RNF220: variants seen among roughly 807,000 people sequenced by gnomAD.
RNF220 encodes E3 ubiquitin-protein ligase RNF220.
RNF220 carries 7 observed loss-of-function variants against 67.1 expected under a neutral mutation model. That is an observed-to-expected ratio of 0.10 (90% CI 0.06 to 0.20). The LOEUF is 0.20. RNF220 is among the 10% of genes least tolerant of loss of function. RNF220 has a pLI of 1.00. For missense variants in RNF220, 565 were observed against 740.3 expected (o/e 0.76, Z 2.75); for synonymous variants, 270 against 283.2 (o/e 0.95, Z 0.47).
At chr1:44,513,460 G>A (rs1659196952) in intron 2 of RNF220, among the ~76,000 whole-genome samples, 1 of 150,140 alleles carries the variant, frequency 6.7e-6, no homozygotes, top group Non-Finnish European at 1.5e-5. Flanking sequence ...GTTGACAGGG[G>A]CCAAATAAAG....
At chr1:44,449,775 A>G (rs930391117) in intron 2 of RNF220, among the ~76,000 whole-genome samples, 2 of 152,312 alleles carry the variant, frequency 1.3e-5, no homozygotes, top group Admixed American at 6.5e-5. Flanking sequence ...TGTGACATCT[A>G]CCGAATACCT....
intron 2 of RNF220, among the ~76,000 whole-genome samples, chr1:44,451,137 C>T (rs544700297): frequency 6.0e-5 from 9 of 150,448 alleles, no homozygotes; most frequent in East Asian, 2.0e-4. Context: ...GAGCCAAGAT[C>T]GGGCCACTGC....
At chr1:44,406,545 G>A (rs1647349286) in intron 1 of RNF220, among the ~76,000 whole-genome samples, 1 of 152,236 alleles carries the variant, frequency 6.6e-6, no homozygotes, top group African/African-American at 2.4e-5. Flanking sequence ...TCTGACTTAA[G>A]AACAAAACTT....
At chr1:44,567,698 C>T (rs1417313194) in intron 2 of RNF220, among the ~76,000 whole-genome samples, 2 of 152,108 alleles carry the variant, frequency 1.3e-5, no homozygotes, top group East Asian at 1.9e-4. Context: ...CAGCATAAGT[C>T]GTTGTTCTCT....
At chr1:44,443,441 A>C (rs1651766301) in intron 2 of RNF220, among the ~76,000 whole-genome samples, 1 of 152,166 alleles carries the variant, frequency 6.6e-6, no homozygotes, top group South Asian at 2.1e-4. Flanking sequence ...ATGCTCTGGC[A>C]TTAGCATCTG....
intron 2 of RNF220, among the ~76,000 whole-genome samples, chr1:44,572,834 T>C (rs1664539098): frequency 1.3e-5 from 2 of 152,308 alleles, no homozygotes; most frequent in South Asian, 4.1e-4. Flanking sequence ...GAGAAATGTT[T>C]GGCCCTATAA....
chr1:44,520,515 A>G (rs549438946), intron 2 of RNF220, among the ~76,000 whole-genome samples: 1 of 152,282 alleles, frequency 6.6e-6, no homozygotes, highest in African/African-American at 2.4e-5. Context: ...TTCATGGGCA[A>G]CTTAACTCCC....
At chr1:44,500,243 G>T (rs892316177) in intron 2 of RNF220, among the ~76,000 whole-genome samples, 3 of 152,180 alleles carry the variant, frequency 2.0e-5, no homozygotes, top group African/African-American at 7.2e-5. Flanking sequence ...CGCTGCCCTT[G>T]GGTCTCCACC....
At chr1:44,519,043 AT>A (rs1285782446) in intron 2 of RNF220, among the ~76,000 whole-genome samples, 1 of 149,886 alleles carries the variant, frequency 6.7e-6, no homozygotes, top group East Asian at 2.0e-4. Flanking sequence ...CAGGTTTCTA[AT>A]TTGAACAGAT....
chr1:44,622,669 T>C lies in RNF220; in HGVS notation c.759-73T>C. ...CTATGCCTTCTCTGTCTTTGGGGTC[T>C]TCTTGCTACTCTACCGTTGCATGCC... On this transcript the variant is annotated intron_variant, in intron 3 of 14. Coordinates refer to ENST00000361799, the MANE Select transcript of RNF220 (RefSeq NM_018150.4). This position sits in a 1 kb window ranked among gnomAD's most constrained non-coding sequence, Gnocchi z 4.3. 1.4e-6 allele frequency: 2 copies of C among 1,389,954 alleles called. No homozygotes were observed. Among genetic ancestry groups the C allele is most frequent in the Non-Finnish European group, 1.0e-6 (1 of 977,596 alleles). The allele number at this position is 1,389,954 out of a possible 1,614,324, so 86.1% of individuals were successfully genotyped here.
At chr1:44,580,345 G>C (rs1665180688) in intron 2 of RNF220, among the ~76,000 whole-genome samples, 1 of 152,138 alleles carries the variant, frequency 6.6e-6, no homozygotes, top group Non-Finnish European at 1.5e-5. Context: ...CTATGGGTCA[G>C]GATATTTGAA....
chr1:44,409,474 C>T (rs998157250), intron 1 of RNF220, among the ~76,000 whole-genome samples: 1 of 152,192 alleles, frequency 6.6e-6, no homozygotes, highest in South Asian at 2.1e-4. Flanking sequence ...CTCCTTTCAG[C>T]GGGGATGTCA....
At chr1:44,632,710 C>A in intron 6 of RNF220, 1 of 491,110 alleles carries the variant, frequency 2.0e-6, no homozygotes, top group Non-Finnish European at 3.7e-6. Context: ...CTGCTGGGAC[C>A]TCACTATACA....
intron 2 of RNF220, among the ~76,000 whole-genome samples, chr1:44,470,400 A>T (rs971895883): frequency 2.0e-5 from 3 of 152,242 alleles, no homozygotes; most frequent in Non-Finnish European, 2.9e-5. Flanking sequence ...AGTTGGCAAC[A>T]TTTATTTATG....
intron 1 of RNF220, 96 bp from the exon 2 acceptor site, chr1:44,411,885 G>A: frequency 1.8e-6 from 1 of 550,166 alleles, no homozygotes; most frequent in African/African-American, 1.9e-5. Context: ...GCATCTGTGA[G>A]CCAGAAGGAT....
rs1363860826 is a variant in RNF220 at position 44,565,903 on chromosome 1, C to A, written c.626-48262C>A. Among the ~76,000 whole-genome samples, 4 of 152,302 alleles carry A rather than the reference C, an allele frequency of 2.6e-5. No homozygotes were observed. In the East Asian group the frequency reaches 7.7e-4, roughly 29 times the overall value. On this transcript the variant is annotated intron_variant, in intron 2 of 14. Transcript: ENST00000361799. This position sits in a 1 kb window ranked among gnomAD's most constrained non-coding sequence, Gnocchi z 4.2. ...AATCCCACCTCATGGCTGGCCCCCACTGCTGCTTCTCACTCCCCACCTCAG... is the reference window on the plus strand; with the variant it reads ...AATCCCACCTCATGGCTGGCCCCCAATGCTGCTTCTCACTCCCCACCTCAG...
At chr1:44,483,412 A>T (rs1310395533) in intron 2 of RNF220, among the ~76,000 whole-genome samples, 1 of 152,188 alleles carries the variant, frequency 6.6e-6, no homozygotes, top group Non-Finnish European at 1.5e-5. Flanking sequence ...CTATTTTAGA[A>T]AGCATCTCAA....
chr1:44,558,638 A>G (rs12032499), intron 2 of RNF220, among the ~76,000 whole-genome samples: 1 of 152,324 alleles, frequency 6.6e-6, no homozygotes, highest in East Asian at 1.9e-4. Context: ...ATAAATGATA[A>G]ATGAAGCAGA....
intron 8 of RNF220, 105 bp from the exon 9 acceptor site, chr1:44,644,593 T>C (rs968102896): frequency 3.7e-5 from 30 of 803,766 alleles, no homozygotes; most frequent in Non-Finnish European, 4.0e-5. Flanking sequence ...GGTTTCCCTC[T>C]GGGCCTTATC....
Sources: gnomAD v4.1 joint callset for allele counts (sites outside exome capture counted in the v4.1 genomes callset) on GRCh38, gnomAD v4.1.1 for gene constraint, Gnocchi (gnomAD v3.1) non-coding constraint, MANE v1.5 for transcripts, NCBI Gene and HGNC (gene_info 2026-07-23, HGNC 2026-07-21) for gene names.